Variants in PBX1 observed in about 807,000 individuals in gnomAD.
PBX1 encodes the protein PBX homeobox 1.
PBX1 carries 6 observed loss-of-function variants against 53.4 expected under a neutral mutation model. The observed-to-expected ratio is 0.11, with a 90% CI of 0.06 to 0.22. The LOEUF is 0.22. PBX1 is among the 10% of genes least tolerant of loss of function. The pLI is 1.00. For synonymous variants in PBX1, 204 were observed against 212.3 expected, an observed-to-expected ratio of 0.96 and a Z score of 0.34; for missense variants, 251 against 551.4, an observed-to-expected ratio of 0.46 and a Z score of 5.46.
At chr1:164,579,563 A>C (rs1654474017) in intron 2 of PBX1, among the ~76,000 whole-genome samples, 1 of 152,210 alleles carries the variant, frequency 6.6e-6, no homozygotes, top group South Asian at 2.1e-4. Context: ...ACTGGGGCAG[A>C]CCAGCCCTGG....
At chr1:164,666,314 C>T (rs1450915735) in intron 2 of PBX1, among the ~76,000 whole-genome samples, 3 of 152,166 alleles carry the variant, frequency 2.0e-5, no homozygotes, top group Admixed American at 2.0e-4. Flanking sequence ...ATTCAGTGGA[C>T]ATATTACAAA....
chr1:164,677,206 C>G (rs537227178), intron 2 of PBX1, among the ~76,000 whole-genome samples: 5,496 of 151,526 alleles, frequency 0.036, 131 homozygotes, highest in Middle Eastern at 0.082. Flanking sequence ...CATTCTCCTG[C>G]CTCAGCCTCC....
In PBX1 at chr1:164,793,785, A is replaced by AT. The variant is rs1198094332; in HGVS notation, c.510+1049dup. 6.8e-5 allele frequency among the ~76,000 whole-genome samples: 10 copies of AT among 147,826 alleles called. No homozygotes were observed. The South Asian group carries it at 2.1e-3, about 32-fold the overall frequency. ...TCCATTACCCTACTCTCATTGAATC[A>AT]TTAGCTTTTCTTTTCTTTTCTTTTT... On this transcript the variant is annotated intron_variant, in intron 3 of 8. Transcript: ENST00000420696.
In PBX1 at chr1:164,560,024, G is replaced by C; in HGVS notation, c.191+11G>C. On this transcript the variant is annotated intron_variant, in intron 1 of 8. Transcript: ENST00000420696. ...TGAGGCGCAGGCCAGGTGAGATGGA[G>C]GCTTTTCTTTTCCTTTCTTGGGGTT... The C allele has an allele frequency of 1.5e-6, 2 of 1,353,788 alleles. No homozygotes were observed. Among genetic ancestry groups the C allele is most frequent in the Non-Finnish European group, 1.9e-6 (2 of 1,046,224 alleles). 83.9% of individuals were successfully genotyped at this position (1,353,788 alleles called of 1,614,324 possible). A position where few individuals can be genotyped will look rare whatever the true frequency, so the allele number is the denominator to read the frequency against.
chr1:164,821,452 A>C (rs967279205), intron 7 of PBX1, 85 bp from the exon 8 acceptor site: 7 of 1,019,916 alleles, frequency 6.9e-6, no homozygotes, highest in African/African-American at 1.6e-5. Flanking sequence ...GCATGCCCAA[A>C]TGGTGGCCTG....
At position 164,807,689 on chromosome 1, in the gene PBX1, C is replaced by A. The variant is rs1299612200; in HGVS notation, c.837+12C>A. 6.2e-7 allele frequency: 1 copy of A among 1,613,682 alleles called. No homozygotes were observed. The highest frequency in any genetic ancestry group is 8.5e-7 in the Non-Finnish European group (1 of 1,179,858). On this transcript the variant is annotated intron_variant, in intron 5 of 8. Coordinates refer to ENST00000420696, the MANE Select transcript of PBX1 (RefSeq NM_002585.4). ...TCACAGTCTCCCAGGTAAGCAGCACCTCAAAAGCCTCAGCCTGTAGCCTGG... is the reference window on the plus strand; with the variant it reads ...TCACAGTCTCCCAGGTAAGCAGCACATCAAAAGCCTCAGCCTGTAGCCTGG...
chr1:164,813,503 T>A (rs2102348777), intron 6 of PBX1: 1 of 152,242 alleles, frequency 6.6e-6, no homozygotes, highest in Admixed American at 6.5e-5. Flanking sequence ...CCAGAGAGAG[T>A]TCCATCTTCT....
rs1671705899 is a variant in PBX1 at position 164,849,127 on chromosome 1, A to G, written c.*2451A>G. The G allele has an allele frequency of 7.3e-7, 1 of 1,371,050 alleles. No homozygotes were observed. 84.9% of individuals were successfully genotyped at this position (1,371,050 alleles called of 1,614,324 possible). On this transcript the variant is annotated 3_prime_UTR_variant, in exon 9 of 9. Coordinates refer to ENST00000420696, the MANE Select transcript of PBX1 (RefSeq NM_002585.4). ...GAATCACATTTGCTTGACTTAGGGC[A>G]AAGTACGAAAGAGAGACAAAAGGGT...
At chr1:164,597,976 A>T (rs1655885408) in intron 2 of PBX1, among the ~76,000 whole-genome samples, 1 of 152,124 alleles carries the variant, frequency 6.6e-6, no homozygotes, top group Non-Finnish European at 1.5e-5. Flanking sequence ...AAAGAAGTGT[A>T]TTTGGCTTGT....
At chr1:164,732,560 T>C (rs1665051758) in intron 2 of PBX1, among the ~76,000 whole-genome samples, 1 of 151,996 alleles carries the variant, frequency 6.6e-6, no homozygotes, top group African/African-American at 2.4e-5. Context: ...ATCTATTAGG[T>C]TGGTGCAAAA....
intron 2 of PBX1, among the ~76,000 whole-genome samples, chr1:164,723,230 C>T (rs1664504149): frequency 6.6e-6 from 1 of 152,186 alleles, no homozygotes; most frequent in African/African-American, 2.4e-5. Context: ...AACCCAATCC[C>T]TTTCCTGGCA....
At chr1:164,729,042 C>T (rs1664843856) in intron 2 of PBX1, among the ~76,000 whole-genome samples, 1 of 152,186 alleles carries the variant, frequency 6.6e-6, no homozygotes, top group South Asian at 2.1e-4. Context: ...CTTGCAATAG[C>T]CACTTCTCTT....
At chr1:164,602,703 CAG>C (rs1656259664) in intron 2 of PBX1, among the ~76,000 whole-genome samples, 1 of 139,474 alleles carries the variant, frequency 7.2e-6, no homozygotes, top group African/African-American at 2.7e-5. Context: ...AAGTCCCAAA[CAG>C]ATTGAAAAAA....
At chr1:164,618,224 G>T (rs55966498) in intron 2 of PBX1, among the ~76,000 whole-genome samples, 1 of 148,000 alleles carries the variant, frequency 6.8e-6, no homozygotes, top group Non-Finnish European at 1.5e-5. Flanking sequence ...AAAATTAAGT[G>T]CATTATTAGC....
chr1:164,683,332 A>G (rs1661900624), intron 2 of PBX1: 1 of 152,228 alleles, frequency 6.6e-6, no homozygotes, highest in South Asian at 2.1e-4. Flanking sequence ...AGTGTCTAAA[A>G]TAAGACTTTG....
intron 2 of PBX1, among the ~76,000 whole-genome samples, chr1:164,775,454 T>C (rs539294647): frequency 6.6e-6 from 1 of 152,244 alleles, no homozygotes; most frequent in South Asian, 2.1e-4. Context: ...GCAGAGACCA[T>C]GTGAATGCTT....
At chr1:164,726,148 T>C (rs1206984393) in intron 2 of PBX1, among the ~76,000 whole-genome samples, 1 of 152,242 alleles carries the variant, frequency 6.6e-6, no homozygotes. Context: ...AGTGGAATGA[T>C]CAGAGTTTGT....
chr1:164,817,125 A>G (rs1669913091), intron 6 of PBX1: 1 of 152,174 alleles, frequency 6.6e-6, no homozygotes, highest in African/African-American at 2.4e-5. Flanking sequence ...GAACCTTTTA[A>G]CTGACAACCA....
chr1:164,620,494 A>C (rs890028878), intron 2 of PBX1, among the ~76,000 whole-genome samples: 6 of 151,874 alleles, frequency 4.0e-5, no homozygotes, highest in African/African-American at 1.5e-4. Context: ...GTGTGTGTGC[A>C]ATCTTTTTTC....
Sources: allele counts gnomAD v4.1 joint callset (sites outside exome capture counted in the v4.1 genomes callset), GRCh38; gene constraint gnomAD v4.1.1; transcripts MANE v1.5; gene names NCBI Gene and HGNC (gene_info 2026-07-23, HGNC 2026-07-21).